The following TMEM182 variants were observed in gnomAD, a reference collection of about 807,000 sequenced individuals.
The protein encoded by TMEM182 is transmembrane protein 182.
TMEM182 carries 20 observed loss-of-function variants against 26.8 expected under a neutral mutation model. The observed-to-expected ratio is 0.75, with a 90% CI of 0.53 to 1.09. The LOEUF (loss-of-function observed/expected upper bound fraction) is 1.09, where lower values mean the gene tolerates loss of function less well. TMEM182 is among the 50% of genes least tolerant of loss of function. The probability of loss-of-function intolerance (pLI) is 0.00; values close to 1 mark genes in which losing one functional copy is unlikely to be tolerated. For missense variants in TMEM182, 277 were observed against 275.5 expected, an observed-to-expected ratio of 1.01 and a Z score of -0.04; for synonymous variants, 109 against 102.2, an observed-to-expected ratio of 1.07 and a Z score of -0.40.
At chr2:102,765,423 A>T (rs1444052649) in intron 3 of TMEM182, among the ~76,000 whole-genome samples, 1 of 152,128 alleles carries the variant, frequency 6.6e-6, no homozygotes, top group African/African-American at 2.4e-5. Context: ...CGCTCATAGT[A>T]TGGGGTAGGG....
rs1187459023 is a variant in TMEM182, at chr2:102,817,580, GTGT to G, written c.*2617_*2619del. 13 of 985,232 alleles carry G rather than the reference GTGT, an allele frequency of 1.3e-5. No individual in the cohort carries two copies. The highest frequency in any genetic ancestry group is 1.6e-5 in the Non-Finnish European group (13 of 829,826). 61.0% of individuals were successfully genotyped at this position (985,232 alleles called of 1,614,324 possible). ...CTTTCTAAAAAAAGTAATATCAAGT[GTGT>G]TGTTAGTATTCATTTAGTCATTTTT... On this transcript the variant is annotated 3_prime_UTR_variant, in exon 5 of 5. Transcript: ENST00000412401.
chr2:102,761,292 A>C (rs1447366961), upstream of TMEM182, among the ~76,000 whole-genome samples: 1 of 152,164 alleles, frequency 6.6e-6, no homozygotes, highest in Non-Finnish European at 1.5e-5. Context: ...TATTTTGAGG[A>C]AGTGAGATAT....
At chr2:102,770,994 C>A (rs575758639) in intron 3 of TMEM182, among the ~76,000 whole-genome samples, 1 of 151,946 alleles carries the variant, frequency 6.6e-6, no homozygotes, top group African/African-American at 2.4e-5. Flanking sequence ...ATTGAGATAC[C>A]CCCACCTCTG....
chr2:102,801,034 ATAAT>A (rs1411288632), intron 4 of TMEM182, among the ~76,000 whole-genome samples: 1 of 152,108 alleles, frequency 6.6e-6, no homozygotes, highest in Admixed American at 6.5e-5. Context: ...AATTGACACA[ATAAT>A]TATACATGTC....
chr2:102,815,014 G>T lies in TMEM182; in HGVS notation c.*46G>T. 1 of 1,600,516 alleles carries T rather than the reference G, an allele frequency of 6.2e-7. No homozygotes were observed. The highest frequency in any genetic ancestry group is 8.5e-7 in the Non-Finnish European group (1 of 1,173,414). ...TTTTCTTGAGAGATTTTAAAACAAG[G>T]AATACTTTTTTTCCATTTTGTTTCA... On this transcript the variant is annotated 3_prime_UTR_variant, in exon 5 of 5. Transcript: ENST00000412401.
chr2:102,786,857 C>T (rs1330377523), intron 3 of TMEM182, among the ~76,000 whole-genome samples: 1 of 152,174 alleles, frequency 6.6e-6, no homozygotes. Flanking sequence ...CCCGGACACT[C>T]ACAATCAGGA....
chr2:102,825,738 G>A (rs2104770897), intron 3 of TMEM182, among the ~76,000 whole-genome samples: 1 of 152,336 alleles, frequency 6.6e-6, no homozygotes, highest in African/African-American at 2.4e-5. Context: ...CAGTGGCAGT[G>A]ATTGTGATGT....
upstream of TMEM182, among the ~76,000 whole-genome samples, chr2:102,757,235 C>A (rs1330297680): frequency 2.6e-5 from 4 of 152,308 alleles, no homozygotes; most frequent in Non-Finnish European, 5.9e-5. Context: ...CCCTACTCAG[C>A]CCCTTTGCCT....
chr2:102,838,242 C>A (rs953163609), intron 3 of TMEM182, among the ~76,000 whole-genome samples: 6 of 152,188 alleles, frequency 3.9e-5, no homozygotes, highest in Non-Finnish European at 8.8e-5. Flanking sequence ...AACTTAAGGT[C>A]TAACTTAGTT....
downstream of TMEM182, among the ~76,000 whole-genome samples, chr2:102,820,044 C>G (rs1175815288): frequency 2.0e-5 from 3 of 152,154 alleles, no homozygotes; most frequent in East Asian, 5.8e-4. Flanking sequence ...CCTTTTTGGG[C>G]AAAATGATTT....
intron 3 of TMEM182, among the ~76,000 whole-genome samples, chr2:102,783,522 A>G (rs1467218038): frequency 6.6e-6 from 1 of 152,214 alleles, no homozygotes; most frequent in Non-Finnish European, 1.5e-5. Flanking sequence ...CAAGGCTACC[A>G]GCAGACATTT....
intron 3 of TMEM182, among the ~76,000 whole-genome samples, chr2:102,770,384 T>G (rs1371527680): frequency 1.3e-5 from 2 of 152,166 alleles, no homozygotes; most frequent in Non-Finnish European, 2.9e-5. Flanking sequence ...GGCACCTACT[T>G]CTATCCTAAA....
At chr2:102,796,310 A>G (rs1178713921) in intron 3 of TMEM182, among the ~76,000 whole-genome samples, 1 of 152,146 alleles carries the variant, frequency 6.6e-6, no homozygotes, top group East Asian at 1.9e-4. Context: ...TTCAGTCCTT[A>G]TATGGTTGCT....
intron 3 of TMEM182, among the ~76,000 whole-genome samples, chr2:102,839,369 T>C (rs1430106790): frequency 6.6e-6 from 1 of 151,022 alleles, no homozygotes; most frequent in East Asian, 1.9e-4. Context: ...ATCATACCTA[T>C]TGTGAAGGTC....
In TMEM182 at chr2:102,777,046, T is replaced by A. The variant is rs900054985; in HGVS notation, c.331+12619T>A. 2.0e-5 allele frequency among the ~76,000 whole-genome samples: 3 copies of A among 149,796 alleles called. No homozygotes were observed. In the East Asian group the frequency reaches 5.9e-4, roughly 29 times the overall value. ...TTTCTTTGCGTATTTTCAGTACCAG[T>A]CCTTTATTGGATACATGTTTTTAAA... On this transcript the variant is annotated intron_variant, in intron 3 of 4. Coordinates refer to ENST00000412401, the MANE Select transcript of TMEM182 (RefSeq NM_144632.5).
intron 3 of TMEM182, among the ~76,000 whole-genome samples, chr2:102,778,422 G>T (rs1558766782): frequency 6.6e-6 from 1 of 151,944 alleles, no homozygotes; most frequent in Non-Finnish European, 1.5e-5. Context: ...TATAGACAAT[G>T]TATAATTGGG....
chr2:102,831,295 T>C (rs1040373587), intron 3 of TMEM182, among the ~76,000 whole-genome samples: 5 of 152,206 alleles, frequency 3.3e-5, no homozygotes, highest in Non-Finnish European at 5.9e-5. Context: ...CTAATTTGCA[T>C]TCCCACTGAC....
intron 4 of TMEM182, among the ~76,000 whole-genome samples, chr2:102,799,540 A>C (rs528729515): frequency 6.6e-6 from 1 of 152,332 alleles, no homozygotes; most frequent in South Asian, 2.1e-4. Context: ...TTTTATGCTT[A>C]GGTTCAACAA....
chr2:102,790,082 T>TA (rs1043821023), intron 3 of TMEM182, among the ~76,000 whole-genome samples: 4 of 152,220 alleles, frequency 2.6e-5, no homozygotes, highest in South Asian at 2.1e-4. Context: ...CACCCAGCGT[T>TA]AAAAAAAGCA....
Sources: gnomAD v4.1 joint callset for allele counts (sites outside exome capture counted in the v4.1 genomes callset) on GRCh38, gnomAD v4.1.1 for gene constraint, MANE v1.5 for transcripts, NCBI Gene and HGNC (gene_info 2026-07-23, HGNC 2026-07-21) for gene names.